Variants in R3HDM4 observed in about 807,000 individuals in gnomAD.
R3HDM4 encodes the protein R3H domain containing 4.
R3HDM4 carries 30 observed loss-of-function variants against 31.3 expected under a neutral mutation model. The observed-to-expected ratio is 0.96, with a 90% CI of 0.72 to 1.30. R3HDM4 has a LOEUF of 1.30. Among genes scored for constraint, R3HDM4 ranks in the 50% most tolerant of loss-of-function variants. The pLI, the probability that R3HDM4 is intolerant of heterozygous loss-of-function variation, is 0.00. For missense variants in R3HDM4, 444 were observed against 366.1 expected (o/e 1.21, Z -1.74); for synonymous variants, 196 against 156.6 (o/e 1.25, Z -1.88).
In R3HDM4 at chr19:913,094, GCCGCCCGCCC is replaced by G. The variant is rs1453142412; in HGVS notation, c.54_63del (p.Gly20CysfsTer11). On this transcript the variant is annotated frameshift_variant, in exon 1 of 8. Transcript: ENST00000361574. LOFTEE classifies it high-confidence loss of function. This position sits in a 1 kb window ranked among gnomAD's most constrained non-coding sequence, Gnocchi z 5.0. ...CCGCCCGCCCGCGCTCACAGCAGCCGCCGCCCGCCCGGGGTGCCCTCCGCCGCCTCCGGGC... is the reference window on the plus strand; with the variant it reads ...CCGCCCGCCCGCGCTCACAGCAGCCGGGGGTGCCCTCCGCCGCCTCCGGGC... 47 of 1,063,060 alleles carry G rather than the reference GCCGCCCGCCC, an allele frequency of 4.4e-5. No individual in the cohort carries two copies. Among genetic ancestry groups the G allele is most frequent in the Non-Finnish European group, 5.1e-5 (45 of 880,828 alleles). The allele number at this position is 1,063,060 out of a possible 1,614,324, so 65.9% of individuals were successfully genotyped here. A position where few individuals can be genotyped will look rare whatever the true frequency, so the allele number is the denominator to read the frequency against.
rs976614133 is a variant in R3HDM4 at position 913,127 on chromosome 19, G to A, written c.31C>T (p.Pro11Ser). The A allele has an allele frequency of 1.4e-5, 15 of 1,089,592 alleles. No homozygotes were observed. In the African/African-American group the frequency reaches 2.4e-4, roughly 17 times the overall value. The allele number at this position is 1,089,592 out of a possible 1,614,324, so 67.5% of individuals were successfully genotyped here. MVALENPECG[P>S]EAAEGTPGGR... ...CCCGGGGTGCCCTCCGCCGCCTCCG[G>A]GCCGCACTCGGGGTTCTCCAGCGCG... Residue 11 changes from proline to serine, a missense_variant, in exon 1 of 8, where the codon CCG becomes TCG. Physicochemically the swap from Pro to Ser is moderately conservative, Grantham distance 74. Transcript: ENST00000361574. The surrounding 1 kb of genome is among the most constrained non-coding windows in gnomAD (Gnocchi z 5.0).
rs184736204 is a variant in R3HDM4, at chr19:909,440, C to T, written c.71+3647G>A. Among the ~76,000 whole-genome samples, 21 of 152,252 alleles carry T rather than the reference C, an allele frequency of 1.4e-4. No homozygotes were observed. In the East Asian group the frequency reaches 3.9e-3, roughly 28 times the overall value. On this transcript the variant is annotated intron_variant, in intron 1 of 7. Transcript: ENST00000361574. ...TGGCAGGTAAACACCCAGAGACTGACGGCTGAGAGCGGAAACATGAGTGTA... is the reference window on the plus strand; with the variant it reads ...TGGCAGGTAAACACCCAGAGACTGATGGCTGAGAGCGGAAACATGAGTGTA...
chr19:901,287 A>T, intron 3 of R3HDM4, 135 bp downstream of exon 3: 1 of 1,005,978 alleles, frequency 9.9e-7, no homozygotes, highest in Non-Finnish European at 1.4e-6. Context: ...ACCCCGAAGG[A>T]GACTGAGGGG....
At chr19:909,317 C>T (rs1227303768) in intron 1 of R3HDM4, among the ~76,000 whole-genome samples, 1 of 152,160 alleles carries the variant, frequency 6.6e-6, no homozygotes, top group Non-Finnish European at 1.5e-5. Flanking sequence ...CCGACTTGTG[C>T]ATCAGGAAGC....
At position 901,954 on chromosome 19, in the gene R3HDM4, G is replaced by T; in HGVS notation, c.226+22C>A. 1.2e-6 allele frequency: 2 copies of T among 1,612,562 alleles called. 1 individual carries two copies. Among genetic ancestry groups the T allele is most frequent in the East Asian group, 4.5e-5 (2 of 44,874 alleles). On this transcript the variant is annotated intron_variant, in intron 2 of 7. Coordinates refer to ENST00000361574, the MANE Select transcript of R3HDM4 (RefSeq NM_138774.4). Reference sequence around the variant, plus strand: ...TACAAGGCCCAGGAGCCCCCAGGAGGCGCCTCCCGACCCCTGCTCACTGTT... The same window carrying T: ...TACAAGGCCCAGGAGCCCCCAGGAGTCGCCTCCCGACCCCTGCTCACTGTT...
rs779983760 is a variant in R3HDM4 at position 897,518 on chromosome 19, C to A, written c.726G>T (p.Arg242=). The change falls in exon 8 of 8, where the codon CGG becomes CGT. Residue 242 remains arginine (R), a synonymous_variant. Transcript: ENST00000361574. Reference sequence around the variant, plus strand: ...GGTGCCGATTACTGACCTTCATCTGCCGCTTCCCCTCCAGGTCAGCACCTG... The same window carrying A: ...GGTGCCGATTACTGACCTTCATCTGACGCTTCCCCTCCAGGTCAGCACCTG... ...ISASADLEGK[R]QMKVSNRHLD... 115 of 1,612,760 alleles carry A rather than the reference C, an allele frequency of 7.1e-5. No individual in the cohort carries two copies. The South Asian group carries it at 1.3e-3, about 18-fold the overall frequency.
intron 2 of R3HDM4, 174 bp downstream of exon 2, chr19:901,802 G>C (rs763643662): frequency 2.1e-4 from 180 of 851,958 alleles, no homozygotes; most frequent in Non-Finnish European, 3.1e-4. Context: ...AGAGTCCAGG[G>C]GGCGCCTGTG....
In R3HDM4 at chr19:899,514, G is replaced by A; in HGVS notation, c.648-19C>T. 6.2e-7 allele frequency: 1 copy of A among 1,613,538 alleles called. No individual in the cohort carries two copies. ...CTCGAAGCTGTGGGGAACGGGCAGT[G>A]AGCGCCGTGCAGGGGCTGCAGCGTG... On this transcript the variant is annotated intron_variant, in intron 6 of 7. Coordinates refer to ENST00000361574, the MANE Select transcript of R3HDM4 (RefSeq NM_138774.4). This position sits in a 1 kb window ranked among gnomAD's most constrained non-coding sequence, Gnocchi z 6.8.
In R3HDM4 at chr19:899,722, G is replaced by GA; in HGVS notation, c.562-37dup. 1 of 1,496,500 alleles carries GA rather than the reference G, an allele frequency of 6.7e-7. No homozygotes were observed. Among genetic ancestry groups the GA allele is most frequent in the Non-Finnish European group, 8.9e-7 (1 of 1,117,616 alleles). The allele number at this position is 1,496,500 out of a possible 1,614,324, so 92.7% of individuals were successfully genotyped here. On this transcript the variant is annotated intron_variant, in intron 5 of 7. Coordinates refer to ENST00000361574, the MANE Select transcript of R3HDM4 (RefSeq NM_138774.4). This position sits in a 1 kb window ranked among gnomAD's most constrained non-coding sequence, Gnocchi z 6.8. ...CGGCCCGGTGGTCAGGGAACTGCGG[G>GA]ACCTGTGGGTGGGGGGCCAGGGAGG...
At chr19:903,438 G>T (rs959477681) in intron 1 of R3HDM4, among the ~76,000 whole-genome samples, 2 of 152,110 alleles carry the variant, frequency 1.3e-5, no homozygotes, top group Non-Finnish European at 2.9e-5. Flanking sequence ...CGCCTGGGAA[G>T]CGGGTGGTTG....
At position 899,329 on chromosome 19, in the gene R3HDM4, T is replaced by G; in HGVS notation, c.703+111A>C. ...TCGTAGCGTCCCCACTCCAGCCCCC[T>G]TCCCCACCTCCCCACCAAGCCCCAC... On this transcript the variant is annotated intron_variant, in intron 7 of 7. Transcript: ENST00000361574. The surrounding 1 kb of genome is among the most constrained non-coding windows in gnomAD (Gnocchi z 6.8). The G allele has an allele frequency of 3.9e-5, 28 of 716,274 alleles. No homozygotes were observed. The highest frequency in any genetic ancestry group is 4.6e-5 in the Non-Finnish European group (20 of 432,468). 44.4% of individuals were successfully genotyped at this position (716,274 alleles called of 1,614,324 possible).
chr19:910,937 G>A (rs1161846585), intron 1 of R3HDM4, among the ~76,000 whole-genome samples: 1 of 143,224 alleles, frequency 7.0e-6, no homozygotes, highest in African/African-American at 2.6e-5. Context: ...GGCTCACACG[G>A]CAAAACCCCC....
chr19:898,898 G>T (rs547375138), intron 7 of R3HDM4, among the ~76,000 whole-genome samples: 1 of 152,194 alleles, frequency 6.6e-6, no homozygotes, highest in African/African-American at 2.4e-5. Context: ...ACTCCAGGCG[G>T]GGCGGCAGAG....
rs565292332 is a variant in R3HDM4 at position 901,027 on chromosome 19, G to T, written c.352-75C>A. The T allele has an allele frequency of 2.7e-6, 4 of 1,479,862 alleles. No individual in the cohort carries two copies. The Admixed American group carries it at 6.9e-5, about 26-fold the overall frequency. The allele number at this position is 1,479,862 out of a possible 1,614,324, so 91.7% of individuals were successfully genotyped here. On this transcript the variant is annotated intron_variant, in intron 3 of 7. Coordinates refer to ENST00000361574, the MANE Select transcript of R3HDM4 (RefSeq NM_138774.4). ...CTGACATCCCCGGGCAAATGGGCAC[G>T]GTAAGGCCGCCAAGCACGTGGACGC...
intron 2 of R3HDM4, 197 bp downstream of exon 2, chr19:901,779 C>T (rs761131186): frequency 3.9e-6 from 3 of 774,222 alleles, no homozygotes; most frequent in Non-Finnish European, 6.2e-6. Flanking sequence ...CCCTCCCACC[C>T]AGCCCTGATC....
In R3HDM4 at chr19:898,247, T is replaced by C. The variant is rs183887622; in HGVS notation, c.704-707A>G. Among the ~76,000 whole-genome samples the C allele has an allele frequency of 4.6e-4, 66 of 143,262 alleles. 1 individual carries two copies. In the East Asian group the frequency reaches 0.012, roughly 25 times the overall value. The allele number at this position is 143,262 out of a possible 152,430, so 94.0% of individuals were successfully genotyped here. On this transcript the variant is annotated intron_variant, in intron 7 of 7. Coordinates refer to ENST00000361574, the MANE Select transcript of R3HDM4 (RefSeq NM_138774.4). ...AAAAAAAAATATATATATATATATA[T>C]ACAAAAAATTAGCAGGGCGTGGTGG...
chr19:902,871 G>C (rs897744755), intron 1 of R3HDM4, among the ~76,000 whole-genome samples: 1 of 151,714 alleles, frequency 6.6e-6, no homozygotes, highest in Non-Finnish European at 1.5e-5. Context: ...GAACCCGGGA[G>C]GCAGATGCTC....
Position 900,494 on chromosome 19 carries a change from G to A in R3HDM4, c.475+335C>T, listed in dbSNP as rs186308740. On this transcript the variant is annotated intron_variant, in intron 4 of 7. Coordinates refer to ENST00000361574, the MANE Select transcript of R3HDM4 (RefSeq NM_138774.4). ...GCTGGCCACATCCACTCCATGTCCC[G>A]CCCCATCCATATCCTACCTACCCCA... Among the ~76,000 whole-genome samples, 496 of 128,366 alleles carry A rather than the reference G, an allele frequency of 3.9e-3. 17 individuals carry two copies. The South Asian group carries it at 0.071, about 18-fold the overall frequency. 84.2% of individuals were successfully genotyped at this position (128,366 alleles called of 152,430 possible). A position where few individuals can be genotyped will look rare whatever the true frequency, so the allele number is the denominator to read the frequency against.
chr19:913,145 C>G lies in R3HDM4; in HGVS notation c.13G>C (p.Glu5Gln). 1 of 1,090,022 alleles carries G rather than the reference C, an allele frequency of 9.2e-7. No homozygotes were observed. The highest frequency in any genetic ancestry group is 1.1e-6 in the Non-Finnish European group (1 of 897,240). The allele number at this position is 1,090,022 out of a possible 1,614,324, so 67.5% of individuals were successfully genotyped here. A position where few individuals can be genotyped will look rare whatever the true frequency, so the allele number is the denominator to read the frequency against. Residue 5 changes from glutamate (E) to glutamine (Q), a missense_variant, in exon 1 of 8, where the codon GAG becomes CAG. By Grantham distance (29) the Glu-to-Gln change is conservative (BLOSUM62 2). Coordinates refer to ENST00000361574, the MANE Select transcript of R3HDM4 (RefSeq NM_138774.4). This position sits in a 1 kb window ranked among gnomAD's most constrained non-coding sequence, Gnocchi z 5.0. The stretch of plus-strand genomic sequence containing the variant: ...GCCTCCGGGCCGCACTCGGGGTTCT[C>G]CAGCGCGACCATGGCTCGCACGCTG... MVAL[E>Q]NPECGPEAAE... is the part of the protein sequence containing the mutation.
Sources: allele counts gnomAD v4.1 joint callset (sites outside exome capture counted in the v4.1 genomes callset), GRCh38; gene constraint gnomAD v4.1.1; non-coding constraint Gnocchi (gnomAD v3.1); transcripts MANE v1.5; gene names NCBI Gene and HGNC (gene_info 2026-07-23, HGNC 2026-07-21).